TTYH2: variants seen among roughly 807,000 people sequenced by gnomAD.
TTYH2 encodes the protein protein tweety homolog 2.
Under a neutral mutation model 68.3 loss-of-function variants are expected in TTYH2, and 49 were observed. The ratio of observed to expected loss-of-function variants is 0.72; its 90% CI spans 0.57 to 0.91. The LOEUF (loss-of-function observed/expected upper bound fraction) is 0.91, where lower values mean the gene tolerates loss of function less well. TTYH2 is among the 40% of genes least tolerant of loss of function. The pLI is 0.00. For missense variants in TTYH2, 631 were observed against 700.4 expected, an observed-to-expected ratio of 0.90 and a Z score of 1.12; for synonymous variants, 272 against 300.8, an observed-to-expected ratio of 0.90 and a Z score of 0.99.
chr17:74,228,873 G>T (rs2050358906), intron 2 of TTYH2, among the ~76,000 whole-genome samples: 1 of 152,220 alleles, frequency 6.6e-6, no homozygotes, highest in South Asian at 2.1e-4. Flanking sequence ...TTGGAGGACA[G>T]TGATGGCATG....
Position 74,260,428 on chromosome 17 carries a change from A to T in TTYH2, c.*219A>T, listed in dbSNP as rs575820323. The T allele has an allele frequency of 4.9e-4, 276 of 565,310 alleles. 2 individuals are homozygous for T. Among genetic ancestry groups the T allele is most frequent in the South Asian group, 3.4e-3 (169 of 49,838 alleles). 35.0% of individuals were successfully genotyped at this position (565,310 alleles called of 1,614,324 possible). On this transcript the variant is annotated 3_prime_UTR_variant, in exon 14 of 14. Transcript: ENST00000269346. ...CTTTTGCCCTGCTCTCCACACCAGA[A>T]ATGCCCCCAGGTGCTTGGCTGCCTC... is the stretch of plus-strand genomic sequence containing the variant.
chr17:74,216,805 C>A (rs1390349512), intron 1 of TTYH2, among the ~76,000 whole-genome samples: 1 of 152,256 alleles, frequency 6.6e-6, no homozygotes, highest in East Asian at 1.9e-4. Context: ...TCAGCCTAGA[C>A]CTGCAGCCCA....
chr17:74,230,858 T>C (rs2050381118), intron 2 of TTYH2, 30 bp from the exon 3 acceptor site: 1 of 1,610,516 alleles, frequency 6.2e-7, no homozygotes, highest in Non-Finnish European at 8.5e-7. Context: ...GTGTATCACC[T>C]CTAACCTCTG....
At chr17:74,227,276 G>C (rs2050339903) in intron 2 of TTYH2, among the ~76,000 whole-genome samples, 1 of 152,112 alleles carries the variant, frequency 6.6e-6, no homozygotes, top group Non-Finnish European at 1.5e-5. Flanking sequence ...GGCGATTTCT[G>C]ATCCCCAAAG....
Position 74,222,618 on chromosome 17 carries a change from G to C in TTYH2, c.263G>C (p.Cys88Ser). ...AVQTKQHHSC[C>S]ITWTAVVAGL... ...CAGACCAAGCAGCACCACTCCTGCT[G>C]CATCACCTGGACGGCCGTGGTGGCC... The change falls in exon 2 of 14, where the codon TGC becomes TCC. Residue 88 changes from cysteine to serine, a missense_variant. By Grantham distance (112) the Cys-to-Ser change is moderately radical. Transcript: ENST00000269346. The surrounding 1 kb of genome is among the most constrained non-coding windows in gnomAD (Gnocchi z 5.2). 1.2e-6 allele frequency: 2 copies of C among 1,611,536 alleles called. No homozygotes were observed. Among genetic ancestry groups the C allele is most frequent in the Non-Finnish European group, 1.7e-6 (2 of 1,179,936 alleles).
Position 74,246,174 on chromosome 17 carries a change from C to T in TTYH2, c.804+2125C>T, listed in dbSNP as rs540216170. On this transcript the variant is annotated intron_variant, in intron 6 of 13. Coordinates refer to ENST00000269346, the MANE Select transcript of TTYH2 (RefSeq NM_032646.6). ...TGGCTGTCACAAGTGCTTTGGCCAC[C>T]GAGCCTGGGGACAGAGAACTTCAGG... Among the ~76,000 whole-genome samples the T allele has an allele frequency of 5.1e-4, 78 of 152,276 alleles. No homozygotes were observed. The South Asian group carries it at 0.012, about 23-fold the overall frequency.
At position 74,214,113 on chromosome 17, in the gene TTYH2, C is replaced by T. The variant is rs1201059239; in HGVS notation, c.129+397C>T. Among the ~76,000 whole-genome samples the T allele has an allele frequency of 3.3e-5, 5 of 152,170 alleles. No homozygotes were observed. The highest frequency in any genetic ancestry group is 1.2e-4 in the African/African-American group (5 of 41,430). On this transcript the variant is annotated intron_variant, in intron 1 of 13. Transcript: ENST00000269346. The surrounding 1 kb of genome is among the most constrained non-coding windows in gnomAD (Gnocchi z 4.6). ...ATGCTGAGGGGTGCCCCGAAGTTTT[C>T]GACCGTCTGAGATTCCAAGATGGGG...
chr17:74,249,278 C>T, intron 7 of TTYH2, 66 bp from the exon 8 acceptor site: 1 of 1,607,580 alleles, frequency 6.2e-7, no homozygotes, highest in South Asian at 1.1e-5. Flanking sequence ...GGCTTGGCCA[C>T]CAAGGATGAT....
chr17:74,215,241 G>A lies in TTYH2; in HGVS notation c.129+1525G>A, dbSNP rs8072320. Among the ~76,000 whole-genome samples the A allele has an allele frequency of 6.8e-3, 1,031 of 151,744 alleles. 7 individuals carry two copies. The highest frequency in any genetic ancestry group is 0.023 in the African/African-American group (943 of 41,222). On this transcript the variant is annotated intron_variant, in intron 1 of 13. Transcript: ENST00000269346. The surrounding 1 kb of genome is among the most constrained non-coding windows in gnomAD (Gnocchi z 4.3). Reference sequence around the variant, plus strand: ...ACCCTGTGCCCCACATCCCACACCCGGGGTCTCCAGCCATAGTTTTCTCCT... The same window carrying A: ...ACCCTGTGCCCCACATCCCACACCCAGGGTCTCCAGCCATAGTTTTCTCCT...
chr17:74,221,484 C>G (rs1292139913), intron 1 of TTYH2, among the ~76,000 whole-genome samples: 1 of 152,182 alleles, frequency 6.6e-6, no homozygotes, highest in Admixed American at 6.5e-5. Context: ...CCCAGCAGCA[C>G]CCCCAGAGCA....
chr17:74,256,461 C>G (rs1371083584), intron 13 of TTYH2, among the ~76,000 whole-genome samples: 2 of 152,104 alleles, frequency 1.3e-5, no homozygotes, highest in Non-Finnish European at 2.9e-5. Flanking sequence ...TGCTAGCAAG[C>G]CTGCTGGAAC....
intron 5 of TTYH2, 31 bp from the exon 6 acceptor site, chr17:74,243,946 C>A (rs1238193526): frequency 6.2e-7 from 1 of 1,606,366 alleles, no homozygotes. Context: ...GGGACCCCGC[C>A]TGCCAACGTT....
intron 2 of TTYH2, among the ~76,000 whole-genome samples, chr17:74,225,562 C>G (rs1226679307): frequency 6.6e-6 from 1 of 152,166 alleles, no homozygotes; most frequent in African/African-American, 2.4e-5. Context: ...GACCGAAGAG[C>G]TCAGAGGCCT....
At chr17:74,253,326 G>T in intron 12 of TTYH2, 60 bp downstream of exon 12, 1 of 1,508,986 alleles carries the variant, frequency 6.6e-7, no homozygotes, top group South Asian at 1.3e-5. Context: ...GTTGGGTGGG[G>T]TCCACAGTGC....
Position 74,214,109 on chromosome 17 carries a change from T to A in TTYH2, c.129+393T>A, listed in dbSNP as rs1025711730. On this transcript the variant is annotated intron_variant, in intron 1 of 13. Coordinates refer to ENST00000269346, the MANE Select transcript of TTYH2 (RefSeq NM_032646.6). This position sits in a 1 kb window ranked among gnomAD's most constrained non-coding sequence, Gnocchi z 4.6. ...GGGGATGCTGAGGGGTGCCCCGAAG[T>A]TTTCGACCGTCTGAGATTCCAAGAT... 6.6e-6 allele frequency among the ~76,000 whole-genome samples: 1 copy of A among 151,924 alleles called. No individual in the cohort carries two copies. Among genetic ancestry groups the A allele is most frequent in the Admixed American group, 6.6e-5 (1 of 15,264 alleles).
At chr17:74,244,157 C>T (rs559504476) in intron 6 of TTYH2, 108 bp downstream of exon 6, 12 of 1,090,902 alleles carry the variant, frequency 1.1e-5, no homozygotes, top group South Asian at 5.8e-5. Flanking sequence ...ACCTAGAATC[C>T]CAGAATCTCA....
chr17:74,237,541 A>G (rs921394004), intron 4 of TTYH2, 27 bp downstream of exon 4: 7 of 1,574,446 alleles, frequency 4.4e-6, no homozygotes, highest in East Asian at 2.3e-5. Flanking sequence ...AGGCAGAGGG[A>G]GGGGCAGCAG....
chr17:74,251,314 G>A (rs556336970), intron 10 of TTYH2, among the ~76,000 whole-genome samples: 5 of 149,114 alleles, frequency 3.4e-5, no homozygotes, highest in African/African-American at 7.4e-5. Flanking sequence ...TGTGTGTTGT[G>A]TGCACATGTG....
chr17:74,261,959 C>A lies in TTYH2; in HGVS notation c.*1750C>A, dbSNP rs2050755651. On this transcript the variant is annotated 3_prime_UTR_variant, in exon 14 of 14. Coordinates refer to ENST00000269346, the MANE Select transcript of TTYH2 (RefSeq NM_032646.6). ...GGAGTTCCTGAAGGAACCAGGTGGG[C>A]AAACCTTTGCTTATATACATGCGGC... The A allele has an allele frequency of 1.3e-5, 2 of 152,560 alleles. No homozygotes were observed. Among genetic ancestry groups the A allele is most frequent in the African/African-American group, 4.8e-5 (2 of 41,412 alleles). 9.5% of individuals were successfully genotyped at this position (152,560 alleles called of 1,614,324 possible). A position where few individuals can be genotyped will look rare whatever the true frequency, so the allele number is the denominator to read the frequency against.
Sources: gnomAD v4.1 joint callset for allele counts (sites outside exome capture counted in the v4.1 genomes callset) on GRCh38, gnomAD v4.1.1 for gene constraint, Gnocchi (gnomAD v3.1) non-coding constraint, MANE v1.5 for transcripts, NCBI Gene and HGNC (gene_info 2026-07-23, HGNC 2026-07-21) for gene names.